Variants in RUNDC3B observed in about 807,000 individuals in gnomAD.
The protein encoded by RUNDC3B is RUN domain-containing protein 3B.
In RUNDC3B, 33 loss-of-function variants were observed where a neutral mutation model predicts 58.4. The ratio of observed to expected loss-of-function variants is 0.56; its 90% confidence interval spans 0.43 to 0.75. The LOEUF is 0.75. Among genes scored for constraint, RUNDC3B ranks in the 30% least tolerant of loss-of-function variants. The probability of loss-of-function intolerance (pLI) is 0.00; values close to 1 mark genes in which losing one functional copy is unlikely to be tolerated. For missense variants in RUNDC3B, 501 were observed against 535.7 expected (o/e 0.94, Z 0.64); for synonymous variants, 193 against 195.2 (o/e 0.99, Z 0.10).
intron 3 of RUNDC3B, among the ~76,000 whole-genome samples, chr7:87,706,202 G>A (rs1057323709): frequency 1.3e-5 from 2 of 152,072 alleles, no homozygotes; most frequent in African/African-American, 4.8e-5. Context: ...ATACTGACCA[G>A]GCTAAGCAAG....
In RUNDC3B at chr7:87,791,141, T is replaced by C. The variant is rs186585725; in HGVS notation, c.956+13186T>C. Among the ~76,000 whole-genome samples, 117 of 152,282 alleles carry C rather than the reference T, an allele frequency of 7.7e-4. 3 individuals are homozygous for C. Among genetic ancestry groups the C allele is most frequent in the Admixed American group, 7.0e-3 (107 of 15,292 alleles). ...AGCTCCAATATGTCTGGCAGCAGAC[T>C]TCTCAGTGGAAATCTTACAGGTCCG... On this transcript the variant is annotated intron_variant, in intron 8 of 10. Coordinates refer to ENST00000394654, the MANE Select transcript of RUNDC3B (RefSeq NM_001134405.2).
chr7:87,771,951 G>A (rs753525048), intron 7 of RUNDC3B, among the ~76,000 whole-genome samples: 1 of 152,158 alleles, frequency 6.6e-6, no homozygotes, highest in Non-Finnish European at 1.5e-5. Flanking sequence ...CTCATTTGTA[G>A]TGTTTGCCAA....
intron 6 of RUNDC3B, among the ~76,000 whole-genome samples, chr7:87,743,811 G>A (rs140632189): frequency 0.015 from 2,324 of 152,196 alleles, 24 homozygotes; most frequent in Non-Finnish European, 0.026. Context: ...AAGCTCTTTA[G>A]TTTAATTAGG....
At chr7:87,706,448 C>T (rs1417078036) in intron 3 of RUNDC3B, among the ~76,000 whole-genome samples, 3 of 152,142 alleles carry the variant, frequency 2.0e-5, no homozygotes, top group South Asian at 2.1e-4. Flanking sequence ...GGTAAGAAAA[C>T]AATCAGGTTC....
At chr7:87,731,613 TTGTC>T (rs1480585390) in intron 4 of RUNDC3B, among the ~76,000 whole-genome samples, 1 of 152,140 alleles carries the variant, frequency 6.6e-6, no homozygotes, top group African/African-American at 2.4e-5. Context: ...AGAAAAAAAG[TTGTC>T]TGTATTTATA....
rs1162642726 is a variant in RUNDC3B at position 87,823,803 on chromosome 7, C to T, written c.1226-6082C>T. Reference sequence around the variant, plus strand: ...CATTTCATATATATACACACACACACACACACACACACACACACACATATA... The same window carrying T: ...CATTTCATATATATACACACACACATACACACACACACACACACACATATA... On this transcript the variant is annotated intron_variant, in intron 10 of 10. Coordinates refer to ENST00000394654, the MANE Select transcript of RUNDC3B (RefSeq NM_001134405.2). 1.3e-4 allele frequency among the ~76,000 whole-genome samples: 20 copies of T among 151,174 alleles called. No individual in the cohort carries two copies. In the East Asian group the frequency reaches 4.0e-3, roughly 30 times the overall value.
chr7:87,721,989 C>T (rs1355410842), intron 4 of RUNDC3B, among the ~76,000 whole-genome samples: 3 of 151,850 alleles, frequency 2.0e-5, no homozygotes, highest in African/African-American at 2.4e-5. Flanking sequence ...AATTAAGAAA[C>T]TCTCATTTTT....
rs556778027 is a variant in RUNDC3B at position 87,732,946 on chromosome 7, A to G, written c.459-6845A>G. Among the ~76,000 whole-genome samples, 545 of 152,314 alleles carry G rather than the reference A, an allele frequency of 3.6e-3. 4 individuals are homozygous for G. The highest frequency in any genetic ancestry group is 4.5e-3 in the Non-Finnish European group (303 of 68,018). On this transcript the variant is annotated intron_variant, in intron 4 of 10. Transcript: ENST00000394654. ...TTCCATAACGTATGATTAACAAGAT[A>G]TTAATCAGCAGTAACAATTGCAACA...
At chr7:87,693,897 T>G in intron 2 of RUNDC3B, 1 of 1,607,240 alleles carries the variant, frequency 6.2e-7, no homozygotes, top group African/African-American at 1.3e-5. Context: ...GTTGTTATTT[T>G]TTTTTTAAAG....
intron 4 of RUNDC3B, among the ~76,000 whole-genome samples, chr7:87,732,993 A>G (rs900752485): frequency 2.6e-5 from 4 of 152,226 alleles, no homozygotes; most frequent in Non-Finnish European, 4.4e-5. Context: ...CAAACAATCC[A>G]TGGAAACAGG....
At chr7:87,769,279 G>T (rs962479886) in intron 6 of RUNDC3B, among the ~76,000 whole-genome samples, 6 of 151,890 alleles carry the variant, frequency 4.0e-5, no homozygotes, top group African/African-American at 1.4e-4. Flanking sequence ...CCAAAGGGCT[G>T]GTATTACAGG....
intron 5 of RUNDC3B, 61 bp downstream of exon 5, chr7:87,739,941 G>A: frequency 3.9e-6 from 3 of 766,384 alleles, no homozygotes; most frequent in South Asian, 4.4e-5. Flanking sequence ...TTCTACTTAT[G>A]ATTTTTTTCT....
intron 4 of RUNDC3B, among the ~76,000 whole-genome samples, chr7:87,734,746 C>T (rs1035824608): frequency 6.6e-6 from 1 of 152,166 alleles, no homozygotes; most frequent in Admixed American, 6.5e-5. Context: ...CAATAATCTA[C>T]AAGCTACCCA....
At chr7:87,647,575 T>C (rs184725025) in intron 1 of RUNDC3B, among the ~76,000 whole-genome samples, 41 of 152,336 alleles carry the variant, frequency 2.7e-4, no homozygotes, top group Admixed American at 1.0e-3. Context: ...AATTAGTAAA[T>C]AAATGCAGGC....
chr7:87,715,252 A>G (rs1830455927), intron 4 of RUNDC3B, among the ~76,000 whole-genome samples: 1 of 133,978 alleles, frequency 7.5e-6, no homozygotes. Context: ...ATATAATTAT[A>G]TTATATATAA....
chr7:87,641,002 A>G (rs1038973629), intron 1 of RUNDC3B, among the ~76,000 whole-genome samples: 2 of 152,100 alleles, frequency 1.3e-5, no homozygotes, highest in Non-Finnish European at 2.9e-5. Flanking sequence ...AGAATTTTGA[A>G]TTATCTTTAT....
At chr7:87,815,352 T>C (rs1346843562) in intron 9 of RUNDC3B, among the ~76,000 whole-genome samples, 1 of 152,108 alleles carries the variant, frequency 6.6e-6, no homozygotes, top group Non-Finnish European at 1.5e-5. Flanking sequence ...AACATATTCT[T>C]TCCCTAGACC....
chr7:87,772,830 A>G (rs916979985), intron 7 of RUNDC3B, among the ~76,000 whole-genome samples: 6 of 152,142 alleles, frequency 3.9e-5, no homozygotes, highest in African/African-American at 1.4e-4. Flanking sequence ...AGATTTTTTG[A>G]AAAATAATTA....
intron 6 of RUNDC3B, among the ~76,000 whole-genome samples, chr7:87,753,619 C>T (rs925189028): frequency 6.6e-6 from 1 of 152,126 alleles, no homozygotes; most frequent in Admixed American, 6.6e-5. Context: ...ATCCCTTTAC[C>T]GTTATGTAAT....
Sources: allele counts gnomAD v4.1 joint callset (sites outside exome capture counted in the v4.1 genomes callset), GRCh38; gene constraint gnomAD v4.1.1; transcripts MANE v1.5; gene names NCBI Gene and HGNC (gene_info 2026-07-23, HGNC 2026-07-21).